Variants in CASR observed in about 807,000 individuals in gnomAD.
CASR encodes the protein extracellular calcium-sensing receptor.
A neutral mutation model predicts 69.1 loss-of-function variants in CASR; 23 were observed. That is an observed-to-expected ratio of 0.33 (90% CI 0.24 to 0.47). The LOEUF is 0.47. CASR is among the 20% of genes least tolerant of loss of function. The pLI, the probability that CASR is intolerant of heterozygous loss-of-function variation, is 1.00. For synonymous variants in CASR, 541 were observed against 544.7 expected, an observed-to-expected ratio of 0.99 and a Z score of 0.10; for missense variants, 924 against 1,356.1, an observed-to-expected ratio of 0.68 and a Z score of 5.00.
rs150995534 is a variant in CASR at position 122,199,443 on chromosome 3, G to A, written c.-243+15631G>A. Among the ~76,000 whole-genome samples, 162 of 152,310 alleles carry A rather than the reference G, an allele frequency of 1.1e-3. 1 individual carries two copies. Among genetic ancestry groups the A allele is most frequent in the African/African-American group, 3.7e-3 (153 of 41,562 alleles). On this transcript the variant is annotated intron_variant, in intron 1 of 6. Transcript: ENST00000639785. ...GCTGAATTATTGTATTTGCAGTGGT[G>A]TTTATTTAATGTAAATGGAGAAAGT...
rs201990892 is a variant in CASR at position 122,284,967 on chromosome 3, G to T, written c.3013G>T (p.Asp1005Tyr). Residue 1005 changes from aspartate to tyrosine, a missense_variant, in exon 7 of 7, where the codon GAT becomes TAT. Transcript: ENST00000639785. ...CTCCCTGGAGGCCCAGAAAAGCAGC[G>T]ATACGCTGACCCGACACGAGCCATT... is the stretch of plus-strand genomic sequence containing the variant. Reference protein sequence around the residue: ...QNSLEAQKSSDTLTRHEPLLP... With the variant: ...QNSLEAQKSSYTLTRHEPLLP... 6.2e-7 allele frequency: 1 copy of T among 1,614,178 alleles called. No homozygotes were observed. The highest frequency in any genetic ancestry group is 1.7e-5 in the Admixed American group (1 of 60,016).
chr3:122,207,868 G>T (rs1176850431), intron 1 of CASR, among the ~76,000 whole-genome samples: 1 of 152,138 alleles, frequency 6.6e-6, no homozygotes, highest in Non-Finnish European at 1.5e-5. Context: ...TGAAAAGGAA[G>T]TTCATAGCAT....
At chr3:122,226,867 G>T (rs1272189869) in intron 1 of CASR, among the ~76,000 whole-genome samples, 1 of 152,158 alleles carries the variant, frequency 6.6e-6, no homozygotes, top group African/African-American at 2.4e-5. Context: ...TAGACACAGG[G>T]TGCTGATTGG....
In CASR at chr3:122,262,254, C is replaced by G. The variant is rs977386230; in HGVS notation, c.1219C>G (p.Pro407Ala). 1.2e-6 allele frequency: 2 copies of G among 1,614,056 alleles called. No individual in the cohort carries two copies. Among genetic ancestry groups the G allele is most frequent in the South Asian group, 1.1e-5 (1 of 91,088 alleles). ...GDENISSVET[P>A]YIDYTHLRIS... ...TGAGAACATCAGCAGTGTCGAGACC[C>G]CTTACATAGATTACACGCATTTACG... Residue 407 changes from proline to alanine, a missense_variant, in exon 4 of 7, where the codon CCT becomes GCT. Physicochemically the swap from Pro to Ala is conservative, Grantham distance 27. Transcript: ENST00000639785.
At chr3:122,245,333 A>G (rs1576845310) in intron 1 of CASR, 1 of 152,226 alleles carries the variant, frequency 6.6e-6, no homozygotes, top group East Asian at 1.9e-4. Context: ...CAGAACCCAC[A>G]TGTATGGAGG....
intron 1 of CASR, among the ~76,000 whole-genome samples, chr3:122,251,135 G>T (rs1310705016): frequency 1.3e-5 from 2 of 152,164 alleles, no homozygotes; most frequent in Non-Finnish European, 2.9e-5. Flanking sequence ...TCCACCTGAG[G>T]CTCAGCACAC....
At chr3:122,226,802 C>T (rs924447957) in intron 1 of CASR, among the ~76,000 whole-genome samples, 1 of 151,580 alleles carries the variant, frequency 6.6e-6, no homozygotes, top group Admixed American at 6.6e-5. Context: ...TCTCCAAGTC[C>T]CCACCAGACT....
Position 122,282,172 on chromosome 3 carries a change from G to T in CASR, c.1668G>T (p.Glu556Asp), listed in dbSNP as rs186279271. ...CAGGGACCAGGAAAGGGATCATTGA[G>T]GGGGAGCCCACCTGCTGCTTTGAGT... ...CLAGTRKGII[E>D]GEPTCCFECV... Residue 556 changes from glutamate (E) to aspartate (D), a missense_variant, in exon 6 of 7, where the codon GAG becomes GAT. By Grantham distance (45) the Glu-to-Asp change is conservative. Transcript: ENST00000639785. 1.9e-6 allele frequency: 3 copies of T among 1,614,050 alleles called. No homozygotes were observed. The highest frequency in any genetic ancestry group is 3.3e-5 in the Admixed American group (2 of 60,006).
Position 122,192,758 on chromosome 3 carries a change from G to A in CASR, c.-243+8946G>A, listed in dbSNP as rs567950948. Reference sequence around the variant, plus strand: ...CCAATGTCTATCCCCTAGAAAATCTGATTAAGCGGGTCTGGAGTGGGGGCC... The same window carrying A: ...CCAATGTCTATCCCCTAGAAAATCTAATTAAGCGGGTCTGGAGTGGGGGCC... On this transcript the variant is annotated intron_variant, in intron 1 of 6. Coordinates refer to ENST00000639785, the MANE Select transcript of CASR (RefSeq NM_000388.4). Among the ~76,000 whole-genome samples the A allele has an allele frequency of 2.6e-4, 39 of 152,286 alleles. No individual in the cohort carries two copies. The South Asian group carries it at 6.4e-3, about 25-fold the overall frequency.
chr3:122,252,408 A>AGGAAGGAAAAAGAAAG (rs1553765656), intron 1 of CASR, among the ~76,000 whole-genome samples: 1 of 85,020 alleles, frequency 1.2e-5, no homozygotes, highest in Non-Finnish European at 2.4e-5. Flanking sequence ...GGAAGGAAGG[A>AGGAAGGAAAAAGAAAG]AAAAGAAAGA....
At chr3:122,252,433 G>GAA (rs1553765680) in intron 1 of CASR, among the ~76,000 whole-genome samples, 3 of 77,544 alleles carry the variant, frequency 3.9e-5, no homozygotes, top group African/African-American at 1.6e-4. Context: ...AAGAAAGAAA[G>GAA]AAAGAAAGAA....
chr3:122,190,304 T>C (rs1021427694), intron 1 of CASR, among the ~76,000 whole-genome samples: 3 of 152,198 alleles, frequency 2.0e-5, no homozygotes, highest in Non-Finnish European at 4.4e-5. Flanking sequence ...GGTGATCTTC[T>C]CTTTTCACAC....
intron 1 of CASR, among the ~76,000 whole-genome samples, chr3:122,202,200 C>G (rs566310950): frequency 6.6e-6 from 1 of 152,262 alleles, no homozygotes; most frequent in Non-Finnish European, 1.5e-5. Context: ...GCAGATCACT[C>G]GCAGCTAGGA....
intron 5 of CASR, among the ~76,000 whole-genome samples, chr3:122,276,559 G>A (rs968034637): frequency 1.6e-4 from 24 of 152,150 alleles, no homozygotes; most frequent in Admixed American, 1.2e-3. Flanking sequence ...CCGCCTCAAT[G>A]GCCAGTAACA....
intron 1 of CASR, chr3:122,184,638 C>T: frequency 6.6e-6 from 1 of 152,592 alleles, no homozygotes; most frequent in Non-Finnish European, 1.5e-5. Context: ...GGGCACACGC[C>T]GGAGCAGCTC....
At chr3:122,225,407 C>T (rs2074212498) in intron 1 of CASR, among the ~76,000 whole-genome samples, 1 of 151,546 alleles carries the variant, frequency 6.6e-6, no homozygotes, top group Admixed American at 6.6e-5. Flanking sequence ...TTAAAAAGGA[C>T]ATGAACAGAC....
intron 4 of CASR, 68 bp downstream of exon 4, chr3:122,262,480 G>GA (rs2074640549): frequency 7.3e-7 from 1 of 1,369,304 alleles, no homozygotes; most frequent in South Asian, 1.2e-5. Flanking sequence ...CTCCAGGCAA[G>GA]AAAAATAGTG....
rs773737550 is a variant in CASR at position 122,284,978 on chromosome 3, C to T, written c.3024C>T (p.Thr1008=). ...LEAQKSSDTL[T]RHEPLLPLQC... is the part of the protein sequence containing the mutation. ...CCCAGAAAAGCAGCGATACGCTGAC[C>T]CGACACGAGCCATTACTCCCGCTGC... is the stretch of plus-strand genomic sequence containing the variant. Residue 1008 remains threonine (T), a synonymous_variant, in exon 7 of 7, where the codon ACC becomes ACT. Transcript: ENST00000639785. The T allele has an allele frequency of 3.7e-6, 6 of 1,614,050 alleles. No individual in the cohort carries two copies. Among genetic ancestry groups the T allele is most frequent in the Non-Finnish European group, 5.1e-6 (6 of 1,180,038 alleles).
intron 1 of CASR, among the ~76,000 whole-genome samples, chr3:122,196,513 G>C (rs184763218): frequency 1.3e-5 from 2 of 151,642 alleles, no homozygotes; most frequent in East Asian, 3.9e-4. Context: ...TTTGGTTTTT[G>C]GGGTTTTTTG....
Sources: gnomAD v4.1 joint callset for allele counts (sites outside exome capture counted in the v4.1 genomes callset) on GRCh38, gnomAD v4.1.1 for gene constraint, MANE v1.5 for transcripts, NCBI Gene and HGNC (gene_info 2026-07-23, HGNC 2026-07-21) for gene names.